ABCC8: variants seen among roughly 807,000 people sequenced by gnomAD.
ABCC8 encodes the protein ATP-binding cassette sub-family C member 8.
In ABCC8, 137 loss-of-function variants were observed where a neutral mutation model predicts 188.0. The ratio of observed to expected loss-of-function variants is 0.73; its 90% CI spans 0.63 to 0.84. ABCC8 has a LOEUF of 0.84. Ranked by LOEUF, ABCC8 falls within the 40% of genes least tolerant of loss-of-function variation. The pLI is 0.00. For missense variants in ABCC8, 1,750 were observed against 2,072.7 expected (o/e 0.84, Z 3.02); for synonymous variants, 797 against 846.5 (o/e 0.94, Z 1.01).
intron 3 of ABCC8, among the ~76,000 whole-genome samples, chr11:17,465,762 C>T (rs1239514617): frequency 6.6e-6 from 1 of 152,154 alleles, no homozygotes; most frequent in East Asian, 1.9e-4. Flanking sequence ...CCTGTGGTAC[C>T]ACCTAAGTCC....
At chr11:17,410,132 G>T (rs1954738663) in intron 22 of ABCC8, 1 of 177,908 alleles carries the variant, frequency 5.6e-6, no homozygotes, top group Admixed American at 5.7e-5. Flanking sequence ...TCCACCCCGG[G>T]AAGGTCATAG....
intron 6 of ABCC8, among the ~76,000 whole-genome samples, chr11:17,453,893 TC>T (rs957570615): frequency 1.2e-3 from 176 of 152,286 alleles, no homozygotes; most frequent in African/African-American, 3.9e-3. Context: ...CTTGTGTACT[TC>T]CGGCAAGATC....
intron 29 of ABCC8, among the ~76,000 whole-genome samples, chr11:17,400,941 A>AT (rs1485216147): frequency 7.2e-5 from 11 of 152,264 alleles, no homozygotes; most frequent in Admixed American, 3.3e-4. Context: ...AATGCATTAA[A>AT]TGTGTATGGG....
chr11:17,412,893 T>C (rs1954884568), intron 20 of ABCC8, 147 bp from the exon 21 acceptor site: 1 of 1,497,526 alleles, frequency 6.7e-7, no homozygotes, highest in Admixed American at 2.0e-5. Flanking sequence ...AGAAGGAACT[T>C]GCACGTGTTT....
chr11:17,400,580 C>G (rs1252927661), intron 29 of ABCC8, among the ~76,000 whole-genome samples: 1 of 152,152 alleles, frequency 6.6e-6, no homozygotes, highest in Non-Finnish European at 1.5e-5. Flanking sequence ...GTGATAGTTC[C>G]TACATGAACG....
Position 17,476,836 on chromosome 11 carries a change from C to A in ABCC8, c.-60G>T. 7.0e-7 allele frequency: 1 copy of A among 1,433,608 alleles called. No homozygotes were observed. Among genetic ancestry groups the A allele is most frequent in the East Asian group, 2.9e-5 (1 of 34,462 alleles). 88.8% of individuals were successfully genotyped at this position (1,433,608 alleles called of 1,614,324 possible). ...TGGCTCCGCTGGCTCCGCGCGCCTG[C>A]CGCGCCTCTGTCCCTTGCAGCTCCG... On this transcript the variant is annotated 5_prime_UTR_variant, in exon 1 of 39. Transcript: ENST00000389817.
chr11:17,432,139 C>G lies in ABCC8; in HGVS notation c.1671+65G>C, dbSNP rs1955875763. On this transcript the variant is annotated intron_variant, in intron 11 of 38. Transcript: ENST00000389817. ...GTGCAGAAAGGCCAAATCTGGGCAG[C>G]CTGTCACTGCAGACGCCCTCCCCCT... The G allele has an allele frequency of 1.9e-6, 3 of 1,546,448 alleles. No homozygotes were observed. The African/African-American group carries it at 4.1e-5, about 21-fold the overall frequency.
intron 7 of ABCC8, among the ~76,000 whole-genome samples, chr11:17,450,316 TTCTTTCTTTCTCTC>T (rs1956741573): frequency 2.6e-5 from 3 of 116,190 alleles, no homozygotes; most frequent in Non-Finnish European, 5.3e-5. Flanking sequence ...CTTTCTTTCT[TTCTTTCTTTCTCTC>T]TCTCTCTTTC....
At chr11:17,440,665 T>G (rs1211902971) in intron 10 of ABCC8, among the ~76,000 whole-genome samples, 1 of 152,262 alleles carries the variant, frequency 6.6e-6, no homozygotes, top group Non-Finnish European at 1.5e-5. Context: ...TAAAACGCCA[T>G]GGCTTGCACC....
At chr11:17,399,945 G>A (rs762792776) in intron 29 of ABCC8, among the ~76,000 whole-genome samples, 11 of 152,304 alleles carry the variant, frequency 7.2e-5, no homozygotes, top group African/African-American at 1.4e-4. Context: ...CTCCTTGGCC[G>A]CTTCCCTCAG....
intron 16 of ABCC8, among the ~76,000 whole-genome samples, chr11:17,421,940 G>A (rs931657362): frequency 6.6e-6 from 1 of 152,206 alleles, no homozygotes; most frequent in African/African-American, 2.4e-5. Context: ...TGGTCACCAG[G>A]TCTTGGCCTG....
chr11:17,448,859 C>G (rs1956646905), intron 7 of ABCC8, 188 bp from the exon 8 acceptor site: 1 of 280,134 alleles, frequency 3.6e-6, no homozygotes, highest in Admixed American at 6.5e-5. Flanking sequence ...CAAGCTACTT[C>G]TCCAGCAAGT....
chr11:17,429,923 C>T (rs1444524881), intron 12 of ABCC8: 1 of 152,498 alleles, frequency 6.6e-6, no homozygotes, highest in African/African-American at 2.4e-5. Flanking sequence ...CCCCTGCAAG[C>T]TACCCTCTCT....
chr11:17,406,644 G>A lies in ABCC8; in HGVS notation c.3307C>T (p.Arg1103Trp), dbSNP rs144348011. The A allele has an allele frequency of 8.1e-6, 13 of 1,614,146 alleles. No homozygotes were observed. The highest frequency in any genetic ancestry group is 2.7e-5 in the African/African-American group (2 of 75,036). Residue 1103 changes from arginine (R) to tryptophan (W), a missense_variant, in exon 26 of 39, where the codon CGG becomes TGG. Transcript: ENST00000389817. The stretch of plus-strand genomic sequence containing the variant: ...TACCTCATGGGGGCTAGGATGATCC[G>A]GTTTAGCAGGCTGCGGTGCAGTCTC... Reference protein sequence around the residue: ...AKRLHRSLLNRIILAPMRFFE... With the variant: ...AKRLHRSLLNWIILAPMRFFE...
intron 6 of ABCC8, 85 bp from the exon 7 acceptor site, chr11:17,453,368 C>T (rs951328788): frequency 3.0e-5 from 47 of 1,562,432 alleles, no homozygotes; most frequent in Admixed American, 3.7e-5. Flanking sequence ...TAATGGACCA[C>T]GGCCATCATT....
At chr11:17,428,727 G>C (rs1955713065) in intron 12 of ABCC8, 57 bp from the exon 13 acceptor site, 1 of 1,601,946 alleles carries the variant, frequency 6.2e-7, no homozygotes, top group Admixed American at 1.7e-5. Flanking sequence ...GGGGAGGGGA[G>C]AGGGCGCAGC....
rs2283260 is a variant in ABCC8 at position 17,451,769 on chromosome 11, G to A, written c.1176+1350C>T. On this transcript the variant is annotated intron_variant, in intron 7 of 38. Transcript: ENST00000389817. ...AATTTCTAGCAGTGCATATATAGCT[G>A]TCAAGAATAAAGACCAAGCTCTTTC... Among the ~76,000 whole-genome samples the A allele has an allele frequency of 4.3e-3, 654 of 152,324 alleles. 30 individuals carry two copies. In the East Asian group the frequency reaches 0.11, roughly 26 times the overall value.
At position 17,448,743 on chromosome 11, in the gene ABCC8, T is replaced by TTACA. The variant is rs1332815063; in HGVS notation, c.1177-76_1177-73dup. 2.5e-6 allele frequency: 4 copies of TTACA among 1,612,246 alleles called. No homozygotes were observed. The African/African-American group carries it at 5.3e-5, about 22-fold the overall frequency. On this transcript the variant is annotated intron_variant, in intron 7 of 38. Transcript: ENST00000389817. ...TCATCACCACACCAGATGCCACCTG[T>TTACA]TACAGTGTGCCAGGGGCTTCTCAGA...
chr11:17,443,524 G>A, intron 8 of ABCC8: 1 of 649,476 alleles, frequency 1.5e-6, no homozygotes, highest in Non-Finnish European at 2.6e-6. Context: ...TGCAAGCAGA[G>A]GGTTGCTGGG....
Sources: gnomAD v4.1 joint callset for allele counts (sites outside exome capture counted in the v4.1 genomes callset) on GRCh38, gnomAD v4.1.1 for gene constraint, MANE v1.5 for transcripts, NCBI Gene and HGNC (gene_info 2026-07-23, HGNC 2026-07-21) for gene names.